SLC4A4: variants seen among roughly 807,000 people sequenced by gnomAD.
SLC4A4 encodes solute carrier family 4 member 4, also known as electrogenic sodium bicarbonate cotransporter 1.
Under a neutral mutation model 111.5 loss-of-function variants are expected in SLC4A4, and 27 were observed. The observed-to-expected ratio is 0.24, with a 90% CI of 0.18 to 0.33. The LOEUF is 0.33. Among genes scored for constraint, SLC4A4 ranks in the 10% least tolerant of loss-of-function variants. The probability of loss-of-function intolerance (pLI) is 1.00; values close to 1 mark genes in which losing one functional copy is unlikely to be tolerated. For synonymous variants in SLC4A4, 443 were observed against 463.4 expected, an observed-to-expected ratio of 0.96 and a Z score of 0.57; for missense variants, 909 against 1,315.5, an observed-to-expected ratio of 0.69 and a Z score of 4.78.
chr4:71,411,468 T>A (rs1721358957), intron 7 of SLC4A4, among the ~76,000 whole-genome samples: 1 of 152,102 alleles, frequency 6.6e-6, no homozygotes, highest in Non-Finnish European at 1.5e-5. Flanking sequence ...CATCAAATAG[T>A]TGCCTATTTT....
At chr4:71,287,049 C>G (rs545323820) in intron 3 of SLC4A4, among the ~76,000 whole-genome samples, 16 of 152,206 alleles carry the variant, frequency 1.1e-4, no homozygotes, top group Non-Finnish European at 1.2e-4. Flanking sequence ...TGCTTTCACT[C>G]TGGGTATTGT....
intron 1 of SLC4A4, among the ~76,000 whole-genome samples, chr4:71,075,113 T>C (rs1430872075): frequency 6.6e-6 from 1 of 152,214 alleles, no homozygotes; most frequent in Non-Finnish European, 1.5e-5. Context: ...CTAGCATTCT[T>C]ATTGCACCTG....
At position 71,074,444 on chromosome 4, in the gene SLC4A4, T is replaced by C. The variant is rs1253952675; in HGVS notation, c.-65+11656T>C. Among the ~76,000 whole-genome samples, 4 of 152,238 alleles carry C rather than the reference T, an allele frequency of 2.6e-5. 1 individual carries two copies. Among genetic ancestry groups the C allele is most frequent in the Non-Finnish European group, 5.9e-5 (4 of 68,046 alleles). On this transcript the variant is annotated intron_variant, in intron 1 of 26. Transcript: ENST00000649996. ...ATTGAGTTCCACAAAACAAACTTCA[T>C]TGTTGTTCAAAACAGATGTTCCTTT...
chr4:71,167,044 A>G (rs1304192795), intron 2 of SLC4A4, among the ~76,000 whole-genome samples: 1 of 152,170 alleles, frequency 6.6e-6, no homozygotes, highest in Non-Finnish European at 1.5e-5. Context: ...GTGGGATAGG[A>G]CAGGGCACAG....
At chr4:71,403,384 G>T (rs1172030564) in intron 7 of SLC4A4, among the ~76,000 whole-genome samples, 1 of 152,124 alleles carries the variant, frequency 6.6e-6, no homozygotes, top group Admixed American at 6.5e-5. Flanking sequence ...TAAATCTTTT[G>T]ACTCATGGAA....
chr4:71,123,955 CTT>C (rs967475399), intron 2 of SLC4A4, among the ~76,000 whole-genome samples: 3 of 152,182 alleles, frequency 2.0e-5, no homozygotes, highest in African/African-American at 7.2e-5. Flanking sequence ...TCACTGAACT[CTT>C]AACAGTTGAA....
intron 1 of SLC4A4, among the ~76,000 whole-genome samples, chr4:71,063,887 T>TA (rs1325037157): frequency 6.6e-6 from 1 of 152,170 alleles, no homozygotes; most frequent in Non-Finnish European, 1.5e-5. Flanking sequence ...CATTTAAAAA[T>TA]AATTTTTTTA....
chr4:71,520,513 C>G (rs1440911498), intron 16 of SLC4A4, among the ~76,000 whole-genome samples: 3 of 152,218 alleles, frequency 2.0e-5, no homozygotes, highest in Non-Finnish European at 4.4e-5. Context: ...AGCACTACCA[C>G]TGACTAACAA....
chr4:71,281,935 T>G (rs1418886908), intron 3 of SLC4A4, among the ~76,000 whole-genome samples: 2 of 151,872 alleles, frequency 1.3e-5, no homozygotes, highest in African/African-American at 4.8e-5. Context: ...TTTTTTTTTT[T>G]TTTGGTTTCC....
At position 71,354,728 on chromosome 4, in the gene SLC4A4, G is replaced by A. The variant is rs557574061; in HGVS notation, c.551-2280G>A. Among the ~76,000 whole-genome samples the A allele has an allele frequency of 5.9e-5, 9 of 152,024 alleles. 1 individual carries two copies. The South Asian group carries it at 8.3e-4, about 14-fold the overall frequency. On this transcript the variant is annotated intron_variant, in intron 5 of 25. Transcript: ENST00000264485. ...GTTTTTAAATAAAGAAAAATATTGT[G>A]TGACATGGGGAAAGATCTAAACTTA...
At chr4:71,088,036 G>A (rs1248747697) in intron 1 of SLC4A4, among the ~76,000 whole-genome samples, 2 of 151,972 alleles carry the variant, frequency 1.3e-5, no homozygotes, top group African/African-American at 4.8e-5. Context: ...TTGTGTGGGA[G>A]TCTAAGTCTC....
At chr4:71,462,593 G>C (rs796697596) in intron 12 of SLC4A4, among the ~76,000 whole-genome samples, 6 of 151,998 alleles carry the variant, frequency 3.9e-5, no homozygotes, top group African/African-American at 1.4e-4. Flanking sequence ...GTTTTTAGTA[G>C]AGACAGAGTT....
chr4:71,085,183 T>G (rs372204668), intron 1 of SLC4A4, among the ~76,000 whole-genome samples: 4 of 152,116 alleles, frequency 2.6e-5, no homozygotes, highest in African/African-American at 9.7e-5. Flanking sequence ...TCATGTGTCT[T>G]TTGGCTGCAT....
In SLC4A4 at chr4:71,534,434, T is replaced by C. The variant is rs188104135; in HGVS notation, c.2442+46T>C. The C allele has an allele frequency of 2.8e-4, 444 of 1,584,668 alleles. 2 individuals are homozygous for C. In the East Asian group the frequency reaches 9.2e-3, roughly 33 times the overall value. ...CTGTCATTGCCTTCTACTTTCTTTT[T>C]AGTACTTGAAAACACTAATTGATTA... On this transcript the variant is annotated intron_variant, in intron 18 of 25. Coordinates refer to ENST00000264485, the MANE Select transcript of SLC4A4 (RefSeq NM_001098484.3).
intron 2 of SLC4A4, among the ~76,000 whole-genome samples, chr4:71,119,490 TC>T (rs1743358574): frequency 6.6e-6 from 1 of 152,142 alleles, no homozygotes; most frequent in Admixed American, 6.5e-5. Context: ...CAAATGATCC[TC>T]CCACCTCAGC....
intron 1 of SLC4A4, among the ~76,000 whole-genome samples, chr4:71,067,438 A>G (rs886089756): frequency 2.0e-5 from 3 of 152,206 alleles, no homozygotes; most frequent in Non-Finnish European, 2.9e-5. Flanking sequence ...ATTCAAACGT[A>G]TATCTTGATT....
chr4:71,264,609 T>G (rs917509305), intron 3 of SLC4A4, among the ~76,000 whole-genome samples: 1 of 152,078 alleles, frequency 6.6e-6, no homozygotes, highest in Non-Finnish European at 1.5e-5. Flanking sequence ...GCAGTTTCTA[T>G]AACTAGAAAT....
At chr4:71,447,959 A>T (rs1048689309) in intron 9 of SLC4A4, among the ~76,000 whole-genome samples, 1 of 152,214 alleles carries the variant, frequency 6.6e-6, no homozygotes, top group Non-Finnish European at 1.5e-5. Flanking sequence ...GGAATAAAAC[A>T]TATTTTCCTT....
At chr4:71,236,507 C>A (rs1719819605) in intron 1 of SLC4A4, 69 bp from the exon 2 acceptor site, 1 of 1,418,964 alleles carries the variant, frequency 7.0e-7, no homozygotes. Flanking sequence ...TGCCCAGAAG[C>A]TGGGCTGCTC....
Sources: gnomAD v4.1 joint callset for allele counts (sites outside exome capture counted in the v4.1 genomes callset) on GRCh38, gnomAD v4.1.1 for gene constraint, MANE v1.5 for transcripts, NCBI Gene and HGNC (gene_info 2026-07-23, HGNC 2026-07-21) for gene names.